SMYD3: variants seen among roughly 807,000 people sequenced by gnomAD.
The protein encoded by SMYD3 is SET and MYND domain containing 3.
A neutral mutation model predicts 57.7 loss-of-function variants in SMYD3; 36 were observed. The observed-to-expected ratio is 0.62, with a 90% CI of 0.48 to 0.82. SMYD3 has a LOEUF of 0.82. SMYD3 is among the 40% of genes least tolerant of loss of function. SMYD3 has a pLI of 0.00. For missense variants in SMYD3, 515 were observed against 538.8 expected, an observed-to-expected ratio of 0.96 and a Z score of 0.44; for synonymous variants, 211 against 195.0, an observed-to-expected ratio of 1.08 and a Z score of -0.68.
At chr1:245,857,542 GCA>G (rs2051311422) in intron 10 of SMYD3, among the ~76,000 whole-genome samples, 1 of 42,086 alleles carries the variant, frequency 2.4e-5, no homozygotes, top group Non-Finnish European at 1.3e-4. Flanking sequence ...CATGGTATTT[GCA>G]CAGTCTGCAA....
intron 5 of SMYD3, among the ~76,000 whole-genome samples, chr1:246,247,013 A>C (rs141156903): frequency 6.6e-6 from 1 of 152,204 alleles, no homozygotes; most frequent in Non-Finnish European, 1.5e-5. Flanking sequence ...TCAAACTACT[A>C]AATCAACTAA....
At chr1:246,443,480 T>C (rs984668314) in intron 1 of SMYD3, among the ~76,000 whole-genome samples, 2 of 152,240 alleles carry the variant, frequency 1.3e-5, no homozygotes, top group African/African-American at 4.8e-5. Flanking sequence ...CAATTGAGAT[T>C]AATGTAATGA....
At chr1:246,109,446 C>G (rs2061190763) in intron 5 of SMYD3, among the ~76,000 whole-genome samples, 1 of 152,104 alleles carries the variant, frequency 6.6e-6, no homozygotes, top group Non-Finnish European at 1.5e-5. Flanking sequence ...TTAGTATTAA[C>G]AAACTTATTT....
Position 245,941,001 on chromosome 1 carries a change from A to C in SMYD3, c.532-11064T>G, listed in dbSNP as rs1414573613. On this transcript the variant is annotated intron_variant, in intron 5 of 11. Transcript: ENST00000490107. ...ACCTGATGGAGCTGAAAAACACAAC[A>C]TGAGAACTTCACAATGCAGCCACAT... Among the ~76,000 whole-genome samples, 3 of 152,326 alleles carry C rather than the reference A, an allele frequency of 2.0e-5. No homozygotes were observed. The South Asian group carries it at 6.2e-4, about 32-fold the overall frequency.
chr1:246,218,878 A>G (rs888890631), intron 5 of SMYD3, among the ~76,000 whole-genome samples: 1 of 152,168 alleles, frequency 6.6e-6, no homozygotes, highest in Non-Finnish European at 1.5e-5. Flanking sequence ...TCATAGCAAG[A>G]CAATCACATG....
At chr1:245,901,500 T>C (rs751436485) in intron 8 of SMYD3, among the ~76,000 whole-genome samples, 10 of 152,212 alleles carry the variant, frequency 6.6e-5, no homozygotes, top group Non-Finnish European at 1.5e-4. Context: ...ATTTACTTTG[T>C]CTCTCCTTTC....
At chr1:245,863,957 C>T (rs1236002879) in intron 8 of SMYD3, 71 bp from the exon 9 acceptor site, 4 of 1,385,622 alleles carry the variant, frequency 2.9e-6, no homozygotes, top group Non-Finnish European at 4.1e-6. Context: ...AGACCTTTCT[C>T]CCAGATATAC....
At chr1:245,830,121 A>C (rs2049748300) in intron 10 of SMYD3, among the ~76,000 whole-genome samples, 1 of 152,242 alleles carries the variant, frequency 6.6e-6, no homozygotes, top group Non-Finnish European at 1.5e-5. Flanking sequence ...TATGAATTAC[A>C]TGTCAAAAAA....
At chr1:246,236,833 A>C (rs902210573) in intron 5 of SMYD3, among the ~76,000 whole-genome samples, 1 of 152,166 alleles carries the variant, frequency 6.6e-6, no homozygotes, top group African/African-American at 2.4e-5. Context: ...TAAAGGTTAA[A>C]GTAGCTTGAA....
At chr1:245,878,894 GA>G (rs1432388838) in intron 8 of SMYD3, among the ~76,000 whole-genome samples, 2 of 152,226 alleles carry the variant, frequency 1.3e-5, no homozygotes, top group Admixed American at 1.3e-4. Context: ...TTCCGGCAGA[GA>G]AAGAAGGGAA....
At chr1:246,358,879 G>T (rs1397304216) in intron 1 of SMYD3, among the ~76,000 whole-genome samples, 2 of 152,046 alleles carry the variant, frequency 1.3e-5, no homozygotes, top group Non-Finnish European at 2.9e-5. Context: ...AGCACAAATA[G>T]ACAATCTAAG....
chr1:245,921,353 T>G (rs900202191), intron 7 of SMYD3, among the ~76,000 whole-genome samples: 2 of 152,160 alleles, frequency 1.3e-5, no homozygotes, highest in East Asian at 1.9e-4. Flanking sequence ...GTTAACCCAC[T>G]GTTGAAAGCA....
At chr1:245,799,323 C>T (rs558177256) in intron 10 of SMYD3, among the ~76,000 whole-genome samples, 6 of 152,300 alleles carry the variant, frequency 3.9e-5, no homozygotes, top group African/African-American at 1.4e-4. Flanking sequence ...ATGTCTGATG[C>T]ACTCAGTTCT....
intron 5 of SMYD3, among the ~76,000 whole-genome samples, chr1:246,036,757 G>A (rs1451940422): frequency 1.4e-5 from 2 of 144,374 alleles, no homozygotes; most frequent in Admixed American, 1.4e-4. Flanking sequence ...GTAGAGATGG[G>A]GTTTCACCAT....
rs549842615 is a variant in SMYD3, at chr1:245,978,651, C to A, written c.532-48714G>T. On this transcript the variant is annotated intron_variant, in intron 5 of 11. Coordinates refer to ENST00000490107, the MANE Select transcript of SMYD3 (RefSeq NM_001167740.2). The stretch of plus-strand genomic sequence containing the variant: ...CAGAGCAGGCAGTTAAACGTTGAGT[C>A]CAGCGTTTCGGAGCCTGGCCAGTCT... 8.3e-4 allele frequency among the ~76,000 whole-genome samples: 127 copies of A among 152,260 alleles called. 1 individual carries two copies. The highest frequency in any genetic ancestry group is 2.5e-4 in the Non-Finnish European group (17 of 68,020).
chr1:246,228,746 G>A (rs993836861), intron 5 of SMYD3, among the ~76,000 whole-genome samples: 3 of 152,046 alleles, frequency 2.0e-5, no homozygotes, highest in Admixed American at 1.3e-4. Flanking sequence ...GGTGTTTCCA[G>A]CAGCACCATC....
At chr1:246,281,748 A>C (rs1265260226) in intron 5 of SMYD3, among the ~76,000 whole-genome samples, 3 of 152,360 alleles carry the variant, frequency 2.0e-5, no homozygotes, top group Middle Eastern at 3.4e-3. Context: ...GTGGAGGAAA[A>C]GAAAGAAGAG....
intron 5 of SMYD3, among the ~76,000 whole-genome samples, chr1:246,065,616 G>A (rs780985620): frequency 6.6e-6 from 1 of 152,086 alleles, no homozygotes; most frequent in African/African-American, 2.4e-5. Context: ...ACCTATAAAC[G>A]TAACTCAAGT....
intron 5 of SMYD3, among the ~76,000 whole-genome samples, chr1:246,166,056 C>G (rs1409675267): frequency 6.6e-6 from 1 of 152,012 alleles, no homozygotes; most frequent in Non-Finnish European, 1.5e-5. Context: ...CTACACCAGA[C>G]AAACTGCTTT....
Sources: allele counts gnomAD v4.1 joint callset (sites outside exome capture counted in the v4.1 genomes callset), GRCh38; gene constraint gnomAD v4.1.1; transcripts MANE v1.5; gene names NCBI Gene and HGNC (gene_info 2026-07-23, HGNC 2026-07-21).